CEP120: variants seen among roughly 807,000 people sequenced by gnomAD.
The protein encoded by CEP120 is centrosomal protein of 120 kDa.
CEP120 carries 113 observed loss-of-function variants against 126.5 expected under a neutral mutation model. The ratio of observed to expected loss-of-function variants is 0.89; its 90% CI spans 0.77 to 1.04. The LOEUF is 1.04. Ranked by LOEUF, CEP120 falls within the 50% of genes least tolerant of loss-of-function variation. CEP120 has a pLI of 0.00. For synonymous variants in CEP120, 400 were observed against 394.3 expected, an observed-to-expected ratio of 1.01 and a Z score of -0.17; for missense variants, 1,230 against 1,155.7, an observed-to-expected ratio of 1.06 and a Z score of -0.93.
At position 123,378,328 on chromosome 5, in the gene CEP120, T is replaced by C. The variant is rs1327584705; in HGVS notation, c.2196+8A>G. On this transcript the variant is annotated splice_region_variant and intron_variant, in intron 15 of 19. Transcript: ENST00000306467. Reference sequence around the variant, plus strand: ...GCTGAAAAAAAATACAATGGACGAATGACATACCTCTGATTCCACACTAGC... The same window carrying C: ...GCTGAAAAAAAATACAATGGACGAACGACATACCTCTGATTCCACACTAGC... 1.8e-5 allele frequency: 28 copies of C among 1,581,454 alleles called. No individual in the cohort carries two copies. Among genetic ancestry groups the C allele is most frequent in the South Asian group, 5.8e-5 (5 of 86,134 alleles).
chr5:123,385,147 A>T lies in CEP120; in HGVS notation c.1581-14T>A. ...AGTAATGGAATCCTAAGGAAGAGAG[A>T]AACATGTGTTCATACCTATCAACTC... On this transcript the variant is annotated splice_polypyrimidine_tract_variant and intron_variant, in intron 10 of 19. Transcript: ENST00000306467. 6.2e-7 allele frequency: 1 copy of T among 1,603,490 alleles called. No individual in the cohort carries two copies. The highest frequency in any genetic ancestry group is 8.5e-7 in the Non-Finnish European group (1 of 1,174,596).
At chr5:123,354,271 C>G (rs140522174) in intron 18 of CEP120, among the ~76,000 whole-genome samples, 2 of 152,178 alleles carry the variant, frequency 1.3e-5, no homozygotes, top group East Asian at 3.9e-4. Flanking sequence ...AGAACATATT[C>G]TAAATTACAA....
rs572024003 is a variant in CEP120, at chr5:123,411,414, T to C, written c.463+985A>G. Among the ~76,000 whole-genome samples the C allele has an allele frequency of 2.0e-5, 3 of 152,308 alleles. No individual in the cohort carries two copies. In the East Asian group the frequency reaches 5.8e-4, roughly 29 times the overall value. On this transcript the variant is annotated intron_variant, in intron 4 of 19. Transcript: ENST00000306467. ...CAGCAGTTTACAGTACCTTTATTTATAATTGCCAAAAGTTAGAAGCAACCA... is the reference window on the plus strand; with the variant it reads ...CAGCAGTTTACAGTACCTTTATTTACAATTGCCAAAAGTTAGAAGCAACCA...
intron 4 of CEP120, among the ~76,000 whole-genome samples, chr5:123,406,484 A>G (rs2127111472): frequency 2.1e-5 from 1 of 47,298 alleles, no homozygotes. Context: ...CCAAACGGGA[A>G]AAAAAAAATC....
chr5:123,375,782 T>C (rs1454794409), intron 16 of CEP120, among the ~76,000 whole-genome samples: 1 of 152,126 alleles, frequency 6.6e-6, no homozygotes, highest in Non-Finnish European at 1.5e-5. Context: ...TGCCCACTTT[T>C]ACAACTTTAT....
intron 13 of CEP120, 34 bp downstream of exon 13, chr5:123,382,703 A>C (rs1290916111): frequency 4.4e-6 from 7 of 1,584,826 alleles, no homozygotes; most frequent in Non-Finnish European, 6.0e-6. Flanking sequence ...GAGCAGACAA[A>C]GCAGATTTTT....
Position 123,382,862 on chromosome 5 carries a change from A to G in CEP120, c.1888T>C (p.Ser630Pro). ...QGVSAVQQKPSSLPPAPCPSE... is the reference protein window; with the variant it reads ...QGVSAVQQKPPSLPPAPCPSE... ...GGACAAGGTGCTGGAGGAAGAGAAG[A>G]CGGCTTTTGCTGTACGGCAGATACA... The change falls in exon 13 of 20, where the codon TCT (serine) becomes CCT (proline). Residue 630 changes from serine to proline, a missense_variant. Ser to Pro is a moderately conservative substitution (Grantham distance 74, BLOSUM62 -1). Coordinates refer to ENST00000306467, the MANE Select transcript of CEP120 (RefSeq NM_001375405.1). The G allele has an allele frequency of 6.2e-7, 1 of 1,613,440 alleles. No individual in the cohort carries two copies. Among genetic ancestry groups the G allele is most frequent in the South Asian group, 1.1e-5 (1 of 91,050 alleles).
chr5:123,350,314 A>T (rs551759720), intron 18 of CEP120, among the ~76,000 whole-genome samples: 1 of 152,304 alleles, frequency 6.6e-6, no homozygotes, highest in Admixed American at 6.5e-5. Flanking sequence ...ACTAGGTTCA[A>T]GCAATCCTCC....
chr5:123,412,654 A>G, intron 3 of CEP120, 114 bp from the exon 4 acceptor site: 1 of 707,956 alleles, frequency 1.4e-6, no homozygotes, highest in Non-Finnish European at 2.0e-6. Flanking sequence ...CTTTATAAAC[A>G]ATTTTTTTTT....
chr5:123,423,260 A>T lies in CEP120; in HGVS notation c.-262T>A. 2.0e-6 allele frequency: 1 copy of T among 493,502 alleles called. No individual in the cohort carries two copies. Among genetic ancestry groups the T allele is most frequent in the South Asian group, 2.8e-5 (1 of 35,864 alleles). 30.6% of individuals were successfully genotyped at this position (493,502 alleles called of 1,614,324 possible). On this transcript the variant is annotated 5_prime_UTR_variant, in exon 1 of 20. Coordinates refer to ENST00000306467, the MANE Select transcript of CEP120 (RefSeq NM_001375405.1). The stretch of plus-strand genomic sequence containing the variant: ...CAGCCCTGCCAGTCTGCAAGCAGAG[A>T]CAAGCCCGCCACCCGAGGACCTTTT...
chr5:123,394,634 T>C (rs1772646817), intron 5 of CEP120, among the ~76,000 whole-genome samples: 1 of 152,192 alleles, frequency 6.6e-6, no homozygotes, highest in Admixed American at 6.5e-5. Flanking sequence ...CAGGACAGTT[T>C]GTATAGTTTG....
In CEP120 at chr5:123,372,548, G is replaced by C. The variant is rs981852430; in HGVS notation, c.2481+102C>G. 3 of 1,198,034 alleles carry C rather than the reference G, an allele frequency of 2.5e-6. No individual in the cohort carries two copies. The African/African-American group carries it at 4.6e-5, about 18-fold the overall frequency. The allele number at this position is 1,198,034 out of a possible 1,614,324, so 74.2% of individuals were successfully genotyped here. A position where few individuals can be genotyped will look rare whatever the true frequency, so the allele number is the denominator to read the frequency against. On this transcript the variant is annotated intron_variant, in intron 17 of 19. Transcript: ENST00000306467. Reference sequence around the variant, plus strand: ...TCTAATGCATTCTTATTTGACATCAGAACACTACAGCAAAACATTATTATA... The same window carrying C: ...TCTAATGCATTCTTATTTGACATCACAACACTACAGCAAAACATTATTATA...
Position 123,386,504 on chromosome 5 carries a change from A to G in CEP120, c.1580+14T>C, listed in dbSNP as rs1772025870. 1.3e-6 allele frequency: 2 copies of G among 1,499,434 alleles called. No individual in the cohort carries two copies. The highest frequency in any genetic ancestry group is 1.8e-6 in the Non-Finnish European group (2 of 1,124,598). The allele number at this position is 1,499,434 out of a possible 1,614,324, so 92.9% of individuals were successfully genotyped here. A position where few individuals can be genotyped will look rare whatever the true frequency, so the allele number is the denominator to read the frequency against. On this transcript the variant is annotated intron_variant, in intron 10 of 19. Transcript: ENST00000306467. ...TTAAATTAATTAATATCATACATAC[A>G]CTGTATGCATTACCTTAAGAAGGTG...
chr5:123,375,275 T>C (rs1771132670), intron 16 of CEP120, among the ~76,000 whole-genome samples: 1 of 152,044 alleles, frequency 6.6e-6, no homozygotes, highest in South Asian at 2.1e-4. Flanking sequence ...CAAAGTTAGT[T>C]ATTCCTACAA....
At chr5:123,366,109 C>A (rs537794356) in intron 17 of CEP120, among the ~76,000 whole-genome samples, 10 of 151,802 alleles carry the variant, frequency 6.6e-5, no homozygotes, top group Non-Finnish European at 1.3e-4. Context: ...GAGACACAAA[C>A]CTCATTCTTC....
chr5:123,396,406 T>G (rs1772793339), intron 5 of CEP120, among the ~76,000 whole-genome samples: 1 of 152,102 alleles, frequency 6.6e-6, no homozygotes, highest in Non-Finnish European at 1.5e-5. Context: ...GTAAACAATT[T>G]GCCAGACATC....
chr5:123,422,420 ACACT>A, intron 1 of CEP120: 1 of 1,158,822 alleles, frequency 8.6e-7, no homozygotes, highest in East Asian at 2.5e-5. Context: ...ACAGTGTCTG[ACACT>A]CAATGAGTCC....
At chr5:123,360,225 TTGAG>T (rs1769976465) in intron 18 of CEP120, among the ~76,000 whole-genome samples, 1 of 151,960 alleles carries the variant, frequency 6.6e-6, no homozygotes, top group Non-Finnish European at 1.5e-5. Context: ...GGAAAAGAAA[TTGAG>T]TAATTTTCAC....
intron 18 of CEP120, among the ~76,000 whole-genome samples, chr5:123,359,891 A>G (rs1580642252): frequency 6.6e-6 from 1 of 151,964 alleles, no homozygotes; most frequent in African/African-American, 2.4e-5. Context: ...TCTTCTGGCA[A>G]TGGGCACCAA....
Sources: allele counts gnomAD v4.1 joint callset (sites outside exome capture counted in the v4.1 genomes callset), GRCh38; gene constraint gnomAD v4.1.1; transcripts MANE v1.5; gene names NCBI Gene and HGNC (gene_info 2026-07-23, HGNC 2026-07-21).